The following TMX2 variants were observed in gnomAD, a reference collection of about 807,000 sequenced individuals.
The protein encoded by TMX2 is thioredoxin-related transmembrane protein 2.
In TMX2, 20 loss-of-function variants were observed where a neutral mutation model predicts 33.4. The observed-to-expected ratio is 0.60, with a 90% CI of 0.42 to 0.87. The LOEUF (loss-of-function observed/expected upper bound fraction) is 0.87, where lower values mean the gene tolerates loss of function less well. TMX2 is among the 40% of genes least tolerant of loss of function. TMX2 has a pLI of 0.00. For missense variants in TMX2, 340 were observed against 370.7 expected (o/e 0.92, Z 0.68); for synonymous variants, 166 against 140.7 (o/e 1.18, Z -1.27).
At chr11:57,715,972 G>C (rs11827090) in intron 1 of TMX2, among the ~76,000 whole-genome samples, 1 of 152,172 alleles carries the variant, frequency 6.6e-6, no homozygotes, top group Non-Finnish European at 1.5e-5. Context: ...AAAGTTTCCC[G>C]TGTCTACTTC....
intron 1 of TMX2, chr11:57,718,665 T>TG: frequency 3.0e-6 from 1 of 331,162 alleles, no homozygotes; most frequent in South Asian, 2.9e-5. Context: ...TTTTTTTTTT[T>TG]TTTTTTTTGA....
At chr11:57,728,114 G>A (rs1376929564) in intron 1 of TMX2, among the ~76,000 whole-genome samples, 3 of 152,060 alleles carry the variant, frequency 2.0e-5, no homozygotes, top group African/African-American at 7.2e-5. Context: ...ATGGGCCATG[G>A]TCACTCATAT....
chr11:57,728,510 C>G (rs993365224), intron 1 of TMX2, among the ~76,000 whole-genome samples: 2 of 152,098 alleles, frequency 1.3e-5, no homozygotes, highest in Non-Finnish European at 2.9e-5. Context: ...GCTTCTCCTT[C>G]GGTGGAACTG....
At chr11:57,717,763 G>C (rs1384302948) in intron 1 of TMX2, among the ~76,000 whole-genome samples, 1 of 148,504 alleles carries the variant, frequency 6.7e-6, no homozygotes, top group Non-Finnish European at 1.5e-5. Flanking sequence ...GGGAGAGGCA[G>C]AGGCAGAGGC....
intron 1 of TMX2, among the ~76,000 whole-genome samples, chr11:57,726,278 T>A (rs530330399): frequency 6.6e-6 from 1 of 152,162 alleles, no homozygotes; most frequent in Non-Finnish European, 1.5e-5. Flanking sequence ...CCAGGCGTGG[T>A]GGCATGCGCC....
chr11:57,728,704 A>G (rs953129455), intron 1 of TMX2, among the ~76,000 whole-genome samples: 2 of 152,056 alleles, frequency 1.3e-5, no homozygotes, highest in Non-Finnish European at 2.9e-5. Flanking sequence ...ATCTGTGTCC[A>G]TTTGTGTGAG....
At chr11:57,715,812 T>C (rs1487354846) in intron 1 of TMX2, among the ~76,000 whole-genome samples, 11 of 151,388 alleles carry the variant, frequency 7.3e-5, no homozygotes, top group Non-Finnish European at 1.0e-4. Context: ...TTCAAGCATC[T>C]GTTTAACAAA....
At chr11:57,740,038 T>C in intron 7 of TMX2, 61 bp from the exon 8 acceptor site, 1 of 1,609,870 alleles carries the variant, frequency 6.2e-7, no homozygotes, top group Non-Finnish European at 8.5e-7. Flanking sequence ...ACCTCTTACT[T>C]CCCAGGCTCT....
Position 57,712,664 on chromosome 11 carries a change from C to G in TMX2, c.46C>G (p.Arg16Gly), listed in dbSNP as rs891665662. 1 of 1,614,184 alleles carries G rather than the reference C, an allele frequency of 6.2e-7. No homozygotes were observed. Among genetic ancestry groups the G allele is most frequent in the Non-Finnish European group, 8.5e-7 (1 of 1,180,034 alleles). ...PLIALVYSVPRLSRWLAQPYY... is the reference protein window; with the variant it reads ...PLIALVYSVPGLSRWLAQPYY... ...AATTGCTCTCGTGTATTCGGTGCCG[C>G]GACTTTCACGATGGCTCGCCCAACC... Residue 16 changes from arginine (R) to glycine (G), a missense_variant, in exon 1 of 8, where the codon CGA (arginine) becomes GGA (glycine). Arg to Gly is a moderately radical substitution (Grantham distance 125). Transcript: ENST00000278422.
At chr11:57,734,518 C>G (rs1020467396) in intron 1 of TMX2, among the ~76,000 whole-genome samples, 3 of 152,146 alleles carry the variant, frequency 2.0e-5, no homozygotes, top group African/African-American at 7.2e-5. Context: ...GAGGCCGAAG[C>G]AGGTGGATCA....
rs558494349 is a variant in TMX2 at position 57,719,256 on chromosome 11, C to G, written c.189+6449C>G. On this transcript the variant is annotated intron_variant, in intron 1 of 7. Transcript: ENST00000278422. ...TTCACCATGTTGGCCAGGATGGTCT[C>G]GATCTCCTGAACTCGTGATCCAGCT... 3.9e-4 allele frequency among the ~76,000 whole-genome samples: 58 copies of G among 149,358 alleles called. 1 individual carries two copies. The highest frequency in any genetic ancestry group is 2.4e-3 in the Admixed American group (36 of 14,930).
intron 1 of TMX2, among the ~76,000 whole-genome samples, chr11:57,716,265 C>G (rs1418611185): frequency 1.1e-5 from 1 of 94,056 alleles, no homozygotes; most frequent in Admixed American, 1.1e-4. Flanking sequence ...GGGGGGCTGA[C>G]CCCCCCCCAC....
At chr11:57,718,752 T>G (rs999906665) in intron 1 of TMX2, among the ~76,000 whole-genome samples, 3 of 148,846 alleles carry the variant, frequency 2.0e-5, no homozygotes, top group Non-Finnish European at 4.4e-5. Flanking sequence ...GTCTCCTGGG[T>G]TCAAGTAATT....
At chr11:57,721,473 T>C (rs765612292) in intron 1 of TMX2, among the ~76,000 whole-genome samples, 3 of 150,488 alleles carry the variant, frequency 2.0e-5, no homozygotes, top group Admixed American at 1.3e-4. Flanking sequence ...TGTGCCACCA[T>C]GCCCAGCTAA....
intron 1 of TMX2, among the ~76,000 whole-genome samples, chr11:57,722,251 C>A (rs1014178829): frequency 2.0e-5 from 3 of 152,160 alleles, no homozygotes; most frequent in Admixed American, 6.5e-5. Flanking sequence ...ATCCTCCCAC[C>A]ACAGCCTCCC....
At chr11:57,722,189 A>T (rs1308896425) in intron 1 of TMX2, among the ~76,000 whole-genome samples, 1 of 152,076 alleles carries the variant, frequency 6.6e-6, no homozygotes, top group African/African-American at 2.4e-5. Flanking sequence ...ATTTGTGGAG[A>T]GGAGGTCTCA....
chr11:57,737,892 T>G, intron 2 of TMX2, 21 bp from the exon 3 acceptor site: 1 of 1,614,252 alleles, frequency 6.2e-7, no homozygotes, highest in Non-Finnish European at 8.5e-7. Context: ...CAGCCTGACC[T>G]GTGACATCTC....
intron 1 of TMX2, among the ~76,000 whole-genome samples, chr11:57,716,758 AG>A (rs1183381289): frequency 7.1e-6 from 1 of 141,722 alleles, no homozygotes; most frequent in Non-Finnish European, 1.5e-5. Flanking sequence ...GGCCAGGCAG[AG>A]GGGCTCCTCA....
rs113432154 is a variant in TMX2 at position 57,730,857 on chromosome 11, A to G, written c.190-6751A>G. On this transcript the variant is annotated intron_variant, in intron 1 of 7. Coordinates refer to ENST00000278422, the MANE Select transcript of TMX2 (RefSeq NM_015959.4). ...ACAGCCTAACCATTGTGAATGATCT[A>G]TGTAAGTCATAATACGGTTAGTAAG... Among the ~76,000 whole-genome samples the G allele has an allele frequency of 1.8e-3, 267 of 152,350 alleles. 1 individual carries two copies. The highest frequency in any genetic ancestry group is 6.0e-3 in the African/African-American group (248 of 41,590).
Sources: allele counts gnomAD v4.1 joint callset (sites outside exome capture counted in the v4.1 genomes callset), GRCh38; gene constraint gnomAD v4.1.1; transcripts MANE v1.5; gene names NCBI Gene and HGNC (gene_info 2026-07-23, HGNC 2026-07-21).